Variants in WNK1 observed in about 807,000 individuals in gnomAD.
WNK1 encodes serine/threonine-protein kinase WNK1.
WNK1 carries 38 observed loss-of-function variants against 222.8 expected under a neutral mutation model. The ratio of observed to expected loss-of-function variants is 0.17; its 90% CI spans 0.13 to 0.22. The LOEUF is 0.22. Among genes scored for constraint, WNK1 ranks in the 10% least tolerant of loss-of-function variants. WNK1 has a pLI of 1.00. For missense variants in WNK1, 2,348 were observed against 2,918.4 expected (o/e 0.80, Z 4.50); for synonymous variants, 1,090 against 1,092.9 (o/e 1.00, Z 0.05).
chr12:768,095 G>A (rs1431668636), intron 1 of WNK1, among the ~76,000 whole-genome samples: 4 of 152,152 alleles, frequency 2.6e-5, no homozygotes, highest in African/African-American at 7.2e-5. Flanking sequence ...TTTTAGTTTG[G>A]TGACAAATTG....
chr12:886,192 G>A (rs1953632003), intron 19 of WNK1, 108 bp downstream of exon 19: 1 of 989,012 alleles, frequency 1.0e-6, no homozygotes, highest in African/African-American at 1.6e-5. Flanking sequence ...ATTTATAAAG[G>A]TACCTGGCTT....
intron 4 of WNK1, among the ~76,000 whole-genome samples, chr12:831,477 G>A (rs1372982487): frequency 2.0e-5 from 3 of 151,774 alleles, no homozygotes; most frequent in African/African-American, 7.3e-5. Flanking sequence ...GATGGAGGTT[G>A]CAGTGAGCCA....
At chr12:871,697 G>C (rs979572062) in intron 9 of WNK1, among the ~76,000 whole-genome samples, 5 of 152,190 alleles carry the variant, frequency 3.3e-5, no homozygotes, top group Non-Finnish European at 5.9e-5. Flanking sequence ...CCGCCTCCCA[G>C]GTTCAAGCAG....
chr12:832,120 G>C (rs1349551563), intron 4 of WNK1, among the ~76,000 whole-genome samples: 1 of 152,030 alleles, frequency 6.6e-6, no homozygotes, highest in Non-Finnish European at 1.5e-5. Flanking sequence ...CTGTCGCCCA[G>C]GCTGGAGTGC....
At chr12:847,684 ATTATAT>A (rs1436877613) in intron 4 of WNK1, among the ~76,000 whole-genome samples, 1 of 151,832 alleles carries the variant, frequency 6.6e-6, no homozygotes, top group Non-Finnish European at 1.5e-5. Context: ...TGGAGTATAA[ATTATAT>A]TTATCTTCTA....
At chr12:817,575 A>G (rs1348406276) in intron 2 of WNK1, among the ~76,000 whole-genome samples, 2 of 152,142 alleles carry the variant, frequency 1.3e-5, no homozygotes, top group African/African-American at 2.4e-5. Flanking sequence ...TTTGTTCTCT[A>G]TGTATATTTA....
In WNK1 at chr12:909,857, A is replaced by G. The variant is rs1955965209; in HGVS notation, c.*1065A>G. The G allele has an allele frequency of 6.6e-6, 1 of 152,222 alleles. No individual in the cohort carries two copies. The highest frequency in any genetic ancestry group is 2.4e-5 in the African/African-American group (1 of 41,460). 9.4% of individuals were successfully genotyped at this position (152,222 alleles called of 1,614,324 possible). On this transcript the variant is annotated 3_prime_UTR_variant, in exon 28 of 28. Coordinates refer to ENST00000315939, the MANE Select transcript of WNK1 (RefSeq NM_018979.4). ...AAGTATTTTTTTAAGTCATTCAACA[A>G]CTTTGTCTAGAGCAGGTGTAAGATG...
At chr12:812,040 A>G (rs1946953724) in intron 1 of WNK1, among the ~76,000 whole-genome samples, 1 of 152,200 alleles carries the variant, frequency 6.6e-6, no homozygotes, top group Non-Finnish European at 1.5e-5. Context: ...AAAATTAAAT[A>G]CGGATTTTTG....
intron 10 of WNK1, among the ~76,000 whole-genome samples, chr12:879,248 A>T (rs1181929339): frequency 6.8e-6 from 1 of 147,322 alleles, no homozygotes; most frequent in East Asian, 2.0e-4. Context: ...TAAAGCTGTT[A>T]AAAAAAAAAG....
intron 1 of WNK1, among the ~76,000 whole-genome samples, chr12:788,199 A>C (rs1159516684): frequency 6.6e-6 from 1 of 152,156 alleles, no homozygotes; most frequent in East Asian, 1.9e-4. Context: ...CTTTATAGCA[A>C]CACCTAGTTA....
chr12:889,280 G>A (rs751277037), intron 21 of WNK1, 57 bp downstream of exon 21: 5 of 1,431,560 alleles, frequency 3.5e-6, no homozygotes, highest in Middle Eastern at 3.5e-4. Flanking sequence ...TTATATGCCT[G>A]GGACACAAAC....
rs1953592719 is a variant in WNK1, at chr12:885,790, G to A, written c.4986G>A (p.Leu1662=). The A allele has an allele frequency of 6.2e-7, 1 of 1,614,176 alleles. No individual in the cohort carries two copies. The highest frequency in any genetic ancestry group is 8.5e-7 in the Non-Finnish European group (1 of 1,180,028). ...CTCTAGAAGAAAAGCTGCGGTCTCT[G>A]TTCAGTGAACACAGCTCATCTGGAG... ...IKTLEEKLRS[L]FSEHSSSGAQ... Residue 1662 remains leucine (L), a synonymous_variant, in exon 19 of 28, where the codon CTG becomes CTA. Transcript: ENST00000315939.
At position 908,913 on chromosome 12, in the gene WNK1, C is replaced by G; in HGVS notation, c.*121C>G. On this transcript the variant is annotated 3_prime_UTR_variant, in exon 28 of 28. Transcript: ENST00000315939. ...GCTGCATTTAACTGGTTATTTCTTG[C>G]CAGAGGGGAATGTTTTTAATACTGC... 1 of 1,144,772 alleles carries G rather than the reference C, an allele frequency of 8.7e-7. No homozygotes were observed. 70.9% of individuals were successfully genotyped at this position (1,144,772 alleles called of 1,614,324 possible).
At chr12:842,793 G>C (rs1355375941) in intron 4 of WNK1, among the ~76,000 whole-genome samples, 1 of 152,168 alleles carries the variant, frequency 6.6e-6, no homozygotes, top group African/African-American at 2.4e-5. Context: ...AGAAGGAAGA[G>C]AAACTGTAAT....
At chr12:857,120 G>A in intron 4 of WNK1, 41 bp from the exon 5 acceptor site, 1 of 1,588,446 alleles carries the variant, frequency 6.3e-7, no homozygotes, top group East Asian at 2.2e-5. Context: ...AAAGTTCAAA[G>A]GCCCTGCTTT....
chr12:899,345 C>T (rs1184350064), intron 25 of WNK1, among the ~76,000 whole-genome samples: 1 of 151,778 alleles, frequency 6.6e-6, no homozygotes, highest in African/African-American at 2.4e-5. Flanking sequence ...TCGGCAGTGG[C>T]TCAACCTCCA....
chr12:789,096 G>T (rs1458361617), intron 1 of WNK1, among the ~76,000 whole-genome samples: 1 of 152,198 alleles, frequency 6.6e-6, no homozygotes, highest in African/African-American at 2.4e-5. Context: ...GAAATCAGGA[G>T]TAGAGGAAAG....
intron 26 of WNK1, among the ~76,000 whole-genome samples, chr12:905,311 A>C (rs1413919567): frequency 6.6e-6 from 1 of 152,224 alleles, no homozygotes; most frequent in Non-Finnish European, 1.5e-5. Context: ...GCCTGTATAC[A>C]GAAGCCAGAA....
intron 22 of WNK1, among the ~76,000 whole-genome samples, chr12:891,438 G>A (rs1046368577): frequency 6.6e-6 from 1 of 152,074 alleles, no homozygotes; most frequent in Non-Finnish European, 1.5e-5. Context: ...GCGCCTGGCT[G>A]AAAGATGGAA....
Sources: allele counts gnomAD v4.1 joint callset (sites outside exome capture counted in the v4.1 genomes callset), GRCh38; gene constraint gnomAD v4.1.1; transcripts MANE v1.5; gene names NCBI Gene and HGNC (gene_info 2026-07-23, HGNC 2026-07-21).